The following HS3ST5 variants were observed in gnomAD, a reference collection of about 807,000 sequenced individuals.
HS3ST5 encodes heparan sulfate glucosamine 3-O-sulfotransferase 5.
A neutral mutation model predicts 25.4 loss-of-function variants in HS3ST5; 10 were observed. The observed-to-expected ratio is 0.39, with a 90% confidence interval of 0.24 to 0.67. The LOEUF is 0.67. Among genes scored for constraint, HS3ST5 ranks in the 30% least tolerant of loss-of-function variants. The probability of loss-of-function intolerance (pLI) is 0.44; values close to 1 mark genes in which losing one functional copy is unlikely to be tolerated. For missense variants in HS3ST5, 324 were observed against 420.7 expected, an observed-to-expected ratio of 0.77 and a Z score of 2.01; for synonymous variants, 170 against 162.4, an observed-to-expected ratio of 1.05 and a Z score of -0.36.
At chr6:114,308,243 T>G (rs546430370) in intron 1 of HS3ST5, among the ~76,000 whole-genome samples, 1 of 152,218 alleles carries the variant, frequency 6.6e-6, no homozygotes, top group African/African-American at 2.4e-5. Flanking sequence ...TTAATATTCT[T>G]GTACTTATTT....
At chr6:114,172,904 C>T (rs895561626) in intron 2 of HS3ST5, among the ~76,000 whole-genome samples, 1 of 152,030 alleles carries the variant, frequency 6.6e-6, no homozygotes, top group African/African-American at 2.4e-5. Context: ...TACTTCAAGC[C>T]AGGGTTATCA....
At chr6:114,319,542 G>T (rs556221216) in intron 1 of HS3ST5, among the ~76,000 whole-genome samples, 7 of 151,770 alleles carry the variant, frequency 4.6e-5, no homozygotes, top group African/African-American at 1.7e-4. Flanking sequence ...CTCTTTTTTG[G>T]TACCCTGGGT....
chr6:114,253,918 T>A (rs1365851285), intron 1 of HS3ST5, among the ~76,000 whole-genome samples: 1 of 152,176 alleles, frequency 6.6e-6, no homozygotes, highest in African/African-American at 2.4e-5. Context: ...CTGGCTCTTT[T>A]GATCCAAAAT....
intron 3 of HS3ST5, among the ~76,000 whole-genome samples, chr6:114,157,012 A>G (rs1310120951): frequency 1.3e-5 from 2 of 151,960 alleles, no homozygotes. Context: ...CAACACTTAC[A>G]TGTCTTCTGC....
chr6:114,336,773 G>C (rs1021049682), intron 1 of HS3ST5, among the ~76,000 whole-genome samples: 4 of 152,112 alleles, frequency 2.6e-5, no homozygotes, highest in African/African-American at 9.7e-5. Flanking sequence ...CATTTATGTT[G>C]AGGCATGTTC....
intron 1 of HS3ST5, among the ~76,000 whole-genome samples, chr6:114,318,779 T>A (rs1394393724): frequency 6.6e-6 from 1 of 152,206 alleles, no homozygotes; most frequent in Non-Finnish European, 1.5e-5. Context: ...ATAGAAGCAG[T>A]TACCTTGTCA....
At chr6:114,241,109 T>C (rs1772096688) in intron 1 of HS3ST5, among the ~76,000 whole-genome samples, 1 of 151,380 alleles carries the variant, frequency 6.6e-6, no homozygotes, top group Non-Finnish European at 1.5e-5. Flanking sequence ...TTAAGCTATG[T>C]TTATATATTT....
intron 1 of HS3ST5, among the ~76,000 whole-genome samples, chr6:114,327,079 A>G (rs1776203200): frequency 6.6e-6 from 1 of 152,198 alleles, no homozygotes; most frequent in African/African-American, 2.4e-5. Context: ...GAATACAGAT[A>G]AGCTCCTGAC....
chr6:114,133,984 G>A (rs1777472295), intron 3 of HS3ST5, among the ~76,000 whole-genome samples: 1 of 152,112 alleles, frequency 6.6e-6, no homozygotes, highest in South Asian at 2.1e-4. Context: ...GAGAGAGAGA[G>A]AGACAGAAAG....
intron 1 of HS3ST5, among the ~76,000 whole-genome samples, chr6:114,257,098 C>G (rs1023786317): frequency 5.3e-5 from 8 of 152,078 alleles, no homozygotes; most frequent in African/African-American, 1.7e-4. Context: ...GAAACTGCCC[C>G]TATGATTCAA....
At chr6:114,257,946 G>A (rs540050349) in intron 1 of HS3ST5, among the ~76,000 whole-genome samples, 1 of 152,028 alleles carries the variant, frequency 6.6e-6, no homozygotes, top group African/African-American at 2.4e-5. Flanking sequence ...TTGTAAAGGT[G>A]AGGTCTCTCG....
At chr6:114,058,493 A>C (rs576006912) in intron 4 of HS3ST5, 4 of 271,198 alleles carry the variant, frequency 1.5e-5, no homozygotes, top group African/African-American at 6.5e-5. Flanking sequence ...CAGCCATACT[A>C]ATAGCTTTTT....
intron 3 of HS3ST5, among the ~76,000 whole-genome samples, chr6:114,090,106 G>T (rs1775044862): frequency 6.6e-6 from 1 of 152,148 alleles, no homozygotes; most frequent in Non-Finnish European, 1.5e-5. Context: ...GAAATGTGGG[G>T]CTTAGGCTTT....
At chr6:114,190,165 C>T (rs912917455) in intron 2 of HS3ST5, among the ~76,000 whole-genome samples, 2 of 152,160 alleles carry the variant, frequency 1.3e-5, no homozygotes, top group South Asian at 2.1e-4. Flanking sequence ...AGTCATGGAA[C>T]AAAACTTCAG....
intron 1 of HS3ST5, among the ~76,000 whole-genome samples, chr6:114,302,743 G>A (rs1251252761): frequency 1.3e-5 from 2 of 151,922 alleles, no homozygotes; most frequent in African/African-American, 4.8e-5. Flanking sequence ...GACATCTTTG[G>A]TCCTCCAATC....
intron 1 of HS3ST5, among the ~76,000 whole-genome samples, chr6:114,302,825 CAATT>C (rs1289016554): frequency 6.6e-6 from 1 of 152,096 alleles, no homozygotes; most frequent in African/African-American, 2.4e-5. Context: ...AATCCTTTCT[CAATT>C]AAGAGTGAAA....
At chr6:114,198,051 T>G (rs962845152) in intron 2 of HS3ST5, among the ~76,000 whole-genome samples, 3 of 152,044 alleles carry the variant, frequency 2.0e-5, no homozygotes, top group African/African-American at 7.2e-5. Flanking sequence ...AGAAAAGTGA[T>G]CCAAGATTTG....
At chr6:114,220,242 T>G (rs1781968410) in intron 2 of HS3ST5, among the ~76,000 whole-genome samples, 1 of 152,110 alleles carries the variant, frequency 6.6e-6, no homozygotes, top group East Asian at 1.9e-4. Flanking sequence ...TAATTTTTTA[T>G]GATGTATTAT....
intron 3 of HS3ST5, among the ~76,000 whole-genome samples, chr6:114,142,217 T>A (rs998577846): frequency 2.6e-5 from 4 of 152,132 alleles, no homozygotes; most frequent in Admixed American, 1.3e-4. Flanking sequence ...CTGTATAGAA[T>A]TCTTTAGACA....
Sources: gnomAD v4.1 joint callset for allele counts (sites outside exome capture counted in the v4.1 genomes callset) on GRCh38, gnomAD v4.1.1 for gene constraint, MANE v1.5 for transcripts, NCBI Gene and HGNC (gene_info 2026-07-23, HGNC 2026-07-21) for gene names.